CSF1R: variants seen among roughly 807,000 people sequenced by gnomAD.
The protein encoded by CSF1R is macrophage colony-stimulating factor 1 receptor.
In CSF1R, 40 loss-of-function variants were observed where a neutral mutation model predicts 110.0. That is an observed-to-expected ratio of 0.36 (90% CI 0.28 to 0.47). The LOEUF (loss-of-function observed/expected upper bound fraction) is 0.47. Ranked by LOEUF, CSF1R falls within the 20% of genes least tolerant of loss-of-function variation. The probability of loss-of-function intolerance (pLI) is 0.99; values close to 1 mark genes in which losing one functional copy is unlikely to be tolerated. For synonymous variants in CSF1R, 523 were observed against 503.4 expected (o/e 1.04, Z -0.52); for missense variants, 1,052 against 1,253.0 (o/e 0.84, Z 2.42).
rs183596125 is a variant in CSF1R at position 150,075,176 on chromosome 5, T to C, written c.890-1683A>G. On this transcript the variant is annotated intron_variant, in intron 5 of 20. Coordinates refer to ENST00000675795, the MANE Select transcript of CSF1R (RefSeq NM_001288705.3). ...CTCTCTCCAAGTAGTCTGTGAGCTT[T>C]TGGGGGCAAGGCTTTTCTCTTCTCT... 2.1e-3 allele frequency among the ~76,000 whole-genome samples: 318 copies of C among 152,296 alleles called. 1 individual carries two copies. Among genetic ancestry groups the C allele is most frequent in the African/African-American group, 7.4e-3 (308 of 41,552 alleles).
At chr5:150,099,060 A>ATTTTTTTTTTT (rs58025190) in intron 1 of CSF1R, among the ~76,000 whole-genome samples, 1 of 126,772 alleles carries the variant, frequency 7.9e-6, no homozygotes, top group Non-Finnish European at 1.6e-5. Context: ...CACCCAGCTA[A>ATTTTTTTTTTT]TTTTTTTTTT....
At chr5:150,062,877 G>A (rs951414322) in intron 10 of CSF1R, among the ~76,000 whole-genome samples, 7 of 152,294 alleles carry the variant, frequency 4.6e-5, no homozygotes, top group Middle Eastern at 3.4e-3. Context: ...AACAGTGCAT[G>A]GAAATGCTGT....
intron 19 of CSF1R, 192 bp from the exon 20 acceptor site, chr5:150,054,622 C>G (rs757246930): frequency 1.1e-5 from 6 of 549,172 alleles, no homozygotes; most frequent in African/African-American, 9.5e-5. Context: ...GAAGGGTACT[C>G]TCATCACCCT....
chr5:150,058,366 CT>C (rs1443545217), intron 14 of CSF1R: 1 of 455,792 alleles, frequency 2.2e-6, no homozygotes, highest in African/African-American at 2.0e-5. Flanking sequence ...GGATTTCTCT[CT>C]CCCTCCTGTC....
At chr5:150,091,869 A>T (rs1188089876) in intron 1 of CSF1R, among the ~76,000 whole-genome samples, 2 of 151,530 alleles carry the variant, frequency 1.3e-5, no homozygotes, top group African/African-American at 4.8e-5. Flanking sequence ...AAAAAAAAAA[A>T]AAAAAAAAAA....
chr5:150,076,334 CTA>C (rs1248571384), intron 5 of CSF1R, among the ~76,000 whole-genome samples: 2 of 69,200 alleles, frequency 2.9e-5, no homozygotes, highest in African/African-American at 1.5e-4. Context: ...ATCTATCTAT[CTA>C]TCTATCTATC....
At chr5:150,054,858 T>TG (rs996707435) in intron 19 of CSF1R, 37 of 246,346 alleles carry the variant, frequency 1.5e-4, no homozygotes, top group African/African-American at 7.7e-4. Flanking sequence ...GGCTTGGTGG[T>TG]GCACACCTGT....
intron 14 of CSF1R, chr5:150,058,142 C>A: frequency 2.2e-6 from 1 of 451,644 alleles, no homozygotes; most frequent in Non-Finnish European, 4.4e-6. Flanking sequence ...TGGTCTAGAG[C>A]AGTGCTGCTT....
chr5:150,107,389 CA>C (rs1484968903), intron 1 of CSF1R, among the ~76,000 whole-genome samples: 6 of 152,202 alleles, frequency 3.9e-5, no homozygotes, highest in East Asian at 1.9e-4. Flanking sequence ...TGCATTAACA[CA>C]GGGGCATGAA....
rs376280561 is a variant in CSF1R at position 150,061,759 on chromosome 5, C to T, written c.1717G>A (p.Glu573Lys). The T allele has an allele frequency of 5.2e-5, 84 of 1,614,076 alleles. No homozygotes were observed. The highest frequency in any genetic ancestry group is 6.4e-5 in the Non-Finnish European group (76 of 1,180,060). Reference protein sequence around the residue: ...FIDPTQLPYNEKWEFPRNNLQ... With the variant: ...FIDPTQLPYNKKWEFPRNNLQ... ...TTGTTCCGGGGGAACTCCCACTTCT[C>T]GTTGTAAGGCAGCTGCGTGGGGTCG... The change falls in exon 11 of 21, where the codon GAG becomes AAG. Residue 573 changes from glutamate (E) to lysine (K), a missense_variant. Coordinates refer to ENST00000675795, the MANE Select transcript of CSF1R (RefSeq NM_001288705.3).
Position 150,061,604 on chromosome 5 carries a change from C to A in CSF1R, c.1754-9G>T. On this transcript the variant is annotated splice_polypyrimidine_tract_variant and intron_variant, in intron 11 of 20. Transcript: ENST00000675795. ...AGCTCCGAGGGTCTTACCTGCCACG[C>A]ACACAGGTCCCTTAAGTCCCTGGGC... 4 of 1,614,118 alleles carry A rather than the reference C, an allele frequency of 2.5e-6. No individual in the cohort carries two copies. Among genetic ancestry groups the A allele is most frequent in the Non-Finnish European group, 3.4e-6 (4 of 1,180,002 alleles).
intron 5 of CSF1R, among the ~76,000 whole-genome samples, chr5:150,074,111 T>C (rs1758150000): frequency 6.6e-6 from 1 of 152,196 alleles, no homozygotes; most frequent in African/African-American, 2.4e-5. Flanking sequence ...GTCGGAGTCC[T>C]ACAAGGGGAA....
At chr5:150,105,035 C>T (rs1369275120) in intron 1 of CSF1R, among the ~76,000 whole-genome samples, 21 of 151,262 alleles carry the variant, frequency 1.4e-4, no homozygotes, top group African/African-American at 3.9e-4. Context: ...CCCACCACCA[C>T]GCCCAGCTAA....
rs1253789927 is a variant in CSF1R at position 150,055,924 on chromosome 5, C to T, written c.2554+102G>A. The T allele has an allele frequency of 3.7e-6, 4 of 1,078,110 alleles. No individual in the cohort carries two copies. The Admixed American group carries it at 9.5e-5, about 26-fold the overall frequency. The allele number at this position is 1,078,110 out of a possible 1,614,324, so 66.8% of individuals were successfully genotyped here. A position where few individuals can be genotyped will look rare whatever the true frequency, so the allele number is the denominator to read the frequency against. On this transcript the variant is annotated intron_variant, in intron 18 of 20. Transcript: ENST00000675795. Reference sequence around the variant, plus strand: ...GCCCTTGCCCATTCCTGCACTCTCACCAACCCTCGCTGTGTCCTGGGCACC... The same window carrying T: ...GCCCTTGCCCATTCCTGCACTCTCATCAACCCTCGCTGTGTCCTGGGCACC...
At chr5:150,077,779 A>G (rs1007118900) in intron 4 of CSF1R, among the ~76,000 whole-genome samples, 16 of 152,126 alleles carry the variant, frequency 1.1e-4, no homozygotes, top group African/African-American at 3.1e-4. Context: ...CTGGGCTTCA[A>G]TGGTGGCCTA....
chr5:150,078,467 C>T (rs937758943), intron 3 of CSF1R, among the ~76,000 whole-genome samples: 9 of 152,092 alleles, frequency 5.9e-5, no homozygotes, highest in Non-Finnish European at 1.2e-4. Flanking sequence ...CTCTACCCCT[C>T]CCCAGTCCCG....
In CSF1R at chr5:150,070,468, G is replaced by A. The variant is rs1234365943; in HGVS notation, c.1186C>T (p.Leu396Phe). The A allele has an allele frequency of 1.3e-6, 2 of 1,557,760 alleles. No homozygotes were observed. The highest frequency in any genetic ancestry group is 1.2e-5 in the South Asian group (1 of 83,530). The change falls in exon 7 of 21, where the codon CTC becomes TTC. Residue 396 changes from leucine (L) to phenylalanine (F), a missense_variant. Transcript: ENST00000675795. ...CCCCAGCACTCACATCGAAGGGTGA[G>A]CTCAAACGTCAGAGCTCTCCAGCCT... ...PGGWRALTFE[L>F]TLRYPPEVSV...
intron 1 of CSF1R, among the ~76,000 whole-genome samples, chr5:150,084,407 G>GAAGGAAGC: frequency 1.7e-5 from 1 of 59,362 alleles, no homozygotes; most frequent in Non-Finnish European, 3.3e-5. Context: ...AGGAAGGAAG[G>GAAGGAAGC]AAGGAAGGAA....
intron 16 of CSF1R, 81 bp from the exon 17 acceptor site, chr5:150,056,422 A>C (rs897074929): frequency 3.8e-6 from 6 of 1,568,316 alleles, no homozygotes; most frequent in Non-Finnish European, 5.2e-6. Context: ...GGAGGGCCCC[A>C]CATGGCTTTG....
Sources: allele counts gnomAD v4.1 joint callset (sites outside exome capture counted in the v4.1 genomes callset), GRCh38; gene constraint gnomAD v4.1.1; transcripts MANE v1.5; gene names NCBI Gene and HGNC (gene_info 2026-07-23, HGNC 2026-07-21).